SQOR: variants seen among roughly 807,000 people sequenced by gnomAD.
SQOR encodes the protein sulfide quinone oxidoreductase.
SQOR carries 39 observed loss-of-function variants against 48.6 expected under a neutral mutation model. The ratio of observed to expected loss-of-function variants is 0.80; its 90% CI spans 0.62 to 1.05. The LOEUF (loss-of-function observed/expected upper bound fraction) is 1.05. Among genes scored for constraint, SQOR ranks in the 50% least tolerant of loss-of-function variants. The pLI is 0.00. For synonymous variants in SQOR, 220 were observed against 206.2 expected (o/e 1.07, Z -0.57); for missense variants, 561 against 559.9 (o/e 1.00, Z -0.02).
At chr15:45,661,697 C>T (rs1889723686) in intron 2 of SQOR, among the ~76,000 whole-genome samples, 1 of 152,186 alleles carries the variant, frequency 6.6e-6, no homozygotes, top group African/African-American at 2.4e-5. Flanking sequence ...TTCAGCAATA[C>T]ATAATGCAGT....
chr15:45,648,775 C>T (rs549712262), intron 1 of SQOR, among the ~76,000 whole-genome samples: 70 of 152,244 alleles, frequency 4.6e-4, no homozygotes, highest in East Asian at 7.7e-4. Flanking sequence ...CCAGGTCTGG[C>T]GGGAAGAACA....
intron 1 of SQOR, among the ~76,000 whole-genome samples, chr15:45,652,532 C>T (rs1032453167): frequency 6.6e-6 from 1 of 151,504 alleles, no homozygotes; most frequent in Non-Finnish European, 1.5e-5. Context: ...TTTGTAGAGA[C>T]CAGGTTTCAC....
chr15:45,688,567 A>G (rs1400308150), intron 8 of SQOR, among the ~76,000 whole-genome samples, 163 bp downstream of exon 8: 1 of 149,594 alleles, frequency 6.7e-6, no homozygotes, highest in Non-Finnish European at 1.5e-5. Flanking sequence ...GCTGGAGTGC[A>G]ATGGCACGAT....
chr15:45,668,943 C>CT (rs1448834886), intron 3 of SQOR, among the ~76,000 whole-genome samples: 1 of 151,846 alleles, frequency 6.6e-6, no homozygotes, highest in African/African-American at 2.4e-5. Flanking sequence ...GAAGAAGGGA[C>CT]TTTTTTCATC....
rs559920898 is a variant in SQOR at position 45,651,089 on chromosome 15, C to T, written c.-17-7818C>T. On this transcript the variant is annotated intron_variant, in intron 1 of 9. Transcript: ENST00000260324. ...GCGGCGCCCATCAGGGAGGCTCACCCGTGTGGGAGCCCACCGCTGGGGGGC... is the reference window on the plus strand; with the variant it reads ...GCGGCGCCCATCAGGGAGGCTCACCTGTGTGGGAGCCCACCGCTGGGGGGC... Among the ~76,000 whole-genome samples the T allele has an allele frequency of 1.1e-4, 17 of 152,280 alleles. 1 individual carries two copies. The highest frequency in any genetic ancestry group is 7.7e-4 in the East Asian group (4 of 5,164).
intron 4 of SQOR, among the ~76,000 whole-genome samples, chr15:45,673,291 G>A (rs1413918072): frequency 6.6e-6 from 1 of 152,170 alleles, no homozygotes; most frequent in Non-Finnish European, 1.5e-5. Context: ...GAGGCAACTG[G>A]GTCTCCTAAA....
At chr15:45,652,867 G>T (rs1274050493) in intron 1 of SQOR, among the ~76,000 whole-genome samples, 2 of 151,526 alleles carry the variant, frequency 1.3e-5, no homozygotes, top group Non-Finnish European at 2.9e-5. Context: ...GCTACTCGTG[G>T]GGGCCGGAGA....
chr15:45,647,560 C>T (rs951809711), intron 1 of SQOR, among the ~76,000 whole-genome samples: 4 of 151,894 alleles, frequency 2.6e-5, no homozygotes, highest in African/African-American at 9.7e-5. Flanking sequence ...CTCCTGAGCT[C>T]AAGCAGTGCG....
chr15:45,650,676 A>G (rs914682478), intron 1 of SQOR, among the ~76,000 whole-genome samples: 15 of 152,100 alleles, frequency 9.9e-5, no homozygotes, highest in Non-Finnish European at 1.8e-4. Context: ...GTCTGTTTTT[A>G]TAGAGAGCTG....
chr15:45,646,192 G>T (rs1895202442), intron 1 of SQOR, among the ~76,000 whole-genome samples: 1 of 152,184 alleles, frequency 6.6e-6, no homozygotes, highest in South Asian at 2.1e-4. Flanking sequence ...AGCATGTGGG[G>T]CCACCCAGAG....
intron 1 of SQOR, among the ~76,000 whole-genome samples, chr15:45,651,480 C>T (rs1006447846): frequency 6.6e-6 from 1 of 152,268 alleles, no homozygotes; most frequent in East Asian, 1.9e-4. Context: ...TGAAGGGCTC[C>T]TTGAGCATGG....
chr15:45,684,226 A>G (rs1298036541), intron 7 of SQOR, among the ~76,000 whole-genome samples: 1 of 151,868 alleles, frequency 6.6e-6, no homozygotes, highest in Non-Finnish European at 1.5e-5. Flanking sequence ...ATTTATGTAT[A>G]TTTTCCTAAA....
chr15:45,691,159 A>T lies in SQOR; in HGVS notation c.*129A>T. 1 of 788,290 alleles carries T rather than the reference A, an allele frequency of 1.3e-6. No individual in the cohort carries two copies. Among genetic ancestry groups the T allele is most frequent in the Non-Finnish European group, 2.2e-6 (1 of 445,444 alleles). 48.8% of individuals were successfully genotyped at this position (788,290 alleles called of 1,614,324 possible). A position where few individuals can be genotyped will look rare whatever the true frequency, so the allele number is the denominator to read the frequency against. On this transcript the variant is annotated 3_prime_UTR_variant, in exon 10 of 10. Transcript: ENST00000260324. Reference sequence around the variant, plus strand: ...AGTTCCTTGATGGGTAATGGTGACCAAATGCCTCCCTTTTCAGTACCTTTG... The same window carrying T: ...AGTTCCTTGATGGGTAATGGTGACCTAATGCCTCCCTTTTCAGTACCTTTG...
chr15:45,649,239 T>C (rs1291683802), intron 1 of SQOR, among the ~76,000 whole-genome samples: 1 of 152,210 alleles, frequency 6.6e-6, no homozygotes, highest in Non-Finnish European at 1.5e-5. Context: ...GGGCCAGTGA[T>C]GGAAGTAGGG....
In SQOR at chr15:45,648,166, T is replaced by G. The variant is rs78295048; in HGVS notation, c.-17-10741T>G. Among the ~76,000 whole-genome samples, 767 of 149,310 alleles carry G rather than the reference T, an allele frequency of 5.1e-3. 14 individuals carry two copies. Among genetic ancestry groups the G allele is most frequent in the African/African-American group, 0.019 (732 of 38,964 alleles). ...AGTTATTATTTCAATGATAGTTTTT[T>G]GTTTTTTTGTTTTTTTGTTTTTTTT... On this transcript the variant is annotated intron_variant, in intron 1 of 9. Transcript: ENST00000260324.
chr15:45,632,411 G>A (rs1264284921), upstream of SQOR, among the ~76,000 whole-genome samples: 2 of 151,788 alleles, frequency 1.3e-5, no homozygotes, highest in African/African-American at 4.8e-5. Flanking sequence ...TAGTAGAGAC[G>A]GGGTTTCATC....
upstream of SQOR, among the ~76,000 whole-genome samples, chr15:45,632,709 C>A (rs1894919401): frequency 6.6e-6 from 1 of 151,962 alleles, no homozygotes; most frequent in African/African-American, 2.4e-5. Flanking sequence ...TAGGAGGGGA[C>A]TTTTTATTTG....
chr15:45,668,274 A>T (rs1889875037), intron 3 of SQOR, among the ~76,000 whole-genome samples: 1 of 152,172 alleles, frequency 6.6e-6, no homozygotes, highest in Non-Finnish European at 1.5e-5. Flanking sequence ...TAGGCAAAAC[A>T]TACAGATGAA....
In SQOR at chr15:45,658,956, C is replaced by T. The variant is rs1889666755; in HGVS notation, c.33C>T (p.Pro11=). Residue 11 remains proline, a synonymous_variant, in exon 2 of 10, where the codon CCC becomes CCT. Transcript: ENST00000260324. MVPLVAVVSG[P]RAQLFACLLR... ...CACTGGTGGCTGTGGTATCAGGGCC[C>T]CGTGCCCAGCTCTTTGCCTGCCTGC... The T allele has an allele frequency of 6.3e-7, 1 of 1,578,640 alleles. No individual in the cohort carries two copies. Among genetic ancestry groups the T allele is most frequent in the Non-Finnish European group, 8.6e-7 (1 of 1,158,432 alleles).
Sources: allele counts gnomAD v4.1 joint callset (sites outside exome capture counted in the v4.1 genomes callset), GRCh38; gene constraint gnomAD v4.1.1; transcripts MANE v1.5; gene names NCBI Gene and HGNC (gene_info 2026-07-23, HGNC 2026-07-21).